The following XYLT1 variants were observed in gnomAD, a reference collection of about 807,000 sequenced individuals.
XYLT1 encodes the protein beta-D-xylosyltransferase 1.
A neutral mutation model predicts 91.3 loss-of-function variants in XYLT1; 36 were observed. The ratio of observed to expected loss-of-function variants is 0.39; its 90% CI spans 0.30 to 0.52. XYLT1 has a LOEUF of 0.52. XYLT1 is among the 20% of genes least tolerant of loss of function. The probability of loss-of-function intolerance (pLI) is 0.68; values close to 1 mark genes in which losing one functional copy is unlikely to be tolerated. For synonymous variants in XYLT1, 588 were observed against 532.0 expected (o/e 1.11, Z -1.45); for missense variants, 1,242 against 1,284.5 (o/e 0.97, Z 0.51).
At chr16:17,247,422 T>G (rs896050114) in intron 3 of XYLT1, among the ~76,000 whole-genome samples, 5 of 152,190 alleles carry the variant, frequency 3.3e-5, no homozygotes, top group African/African-American at 1.2e-4. Context: ...GAGTCTCCCA[T>G]GCCCACCTGC....
chr16:17,221,171 TATTC>T (rs1205810810), intron 3 of XYLT1, among the ~76,000 whole-genome samples: 1 of 152,122 alleles, frequency 6.6e-6, no homozygotes, highest in Non-Finnish European at 1.5e-5. Context: ...TCCTTTTCAA[TATTC>T]ACAGAACCAT....
At chr16:17,246,186 A>G (rs1259996074) in intron 3 of XYLT1, among the ~76,000 whole-genome samples, 2 of 152,222 alleles carry the variant, frequency 1.3e-5, no homozygotes, top group African/African-American at 4.8e-5. Flanking sequence ...CTGTGTCTCA[A>G]CTTCTTTGAA....
chr16:17,327,029 C>T (rs568290517), intron 2 of XYLT1, among the ~76,000 whole-genome samples: 1 of 152,242 alleles, frequency 6.6e-6, no homozygotes, highest in African/African-American at 2.4e-5. Context: ...ACACCACCAA[C>T]CAAAATAAAA....
intron 3 of XYLT1, among the ~76,000 whole-genome samples, chr16:17,256,991 T>C (rs1474371802): frequency 6.6e-6 from 1 of 152,218 alleles, no homozygotes; most frequent in Non-Finnish European, 1.5e-5. Context: ...GACTCTGACA[T>C]GCCCCCAACC....
intron 1 of XYLT1, among the ~76,000 whole-genome samples, chr16:17,451,302 C>A (rs1308413851): frequency 6.6e-6 from 1 of 152,172 alleles, no homozygotes; most frequent in Non-Finnish European, 1.5e-5. Context: ...ACTTTCATGT[C>A]CTTGTCATAA....
At chr16:17,363,878 C>T (rs148016882) in intron 1 of XYLT1, among the ~76,000 whole-genome samples, 42 of 152,206 alleles carry the variant, frequency 2.8e-4, no homozygotes, top group African/African-American at 8.9e-4. Context: ...GGGCTTTTGC[C>T]GTGTTGGCCA....
chr16:17,246,444 T>C (rs1348979573), intron 3 of XYLT1, among the ~76,000 whole-genome samples: 2 of 152,192 alleles, frequency 1.3e-5, no homozygotes, highest in Non-Finnish European at 2.9e-5. Context: ...AGATCAGTCA[T>C]TTAACACATC....
At chr16:17,229,133 C>G (rs1597207542) in intron 3 of XYLT1, among the ~76,000 whole-genome samples, 1 of 152,248 alleles carries the variant, frequency 6.6e-6, no homozygotes, top group East Asian at 1.9e-4. Context: ...CCAAGCCCGG[C>G]TAATTTTTGT....
chr16:17,120,286 A>AC, intron 10 of XYLT1, among the ~76,000 whole-genome samples: 1 of 150,800 alleles, frequency 6.6e-6, no homozygotes, highest in Non-Finnish European at 1.5e-5. Flanking sequence ...CCTGCTTACA[A>AC]CCCCTTTCAG....
intron 1 of XYLT1, among the ~76,000 whole-genome samples, chr16:17,383,640 A>C (rs1163332922): frequency 2.0e-5 from 3 of 151,996 alleles, no homozygotes; most frequent in Admixed American, 6.6e-5. Context: ...CTTATGTCAA[A>C]GAAAGAGACT....
At chr16:17,459,581 C>T (rs543846757) in intron 1 of XYLT1, among the ~76,000 whole-genome samples, 2 of 152,288 alleles carry the variant, frequency 1.3e-5, no homozygotes, top group Admixed American at 6.5e-5. Flanking sequence ...ATCCTTACCC[C>T]TGAATAAGTA....
intron 1 of XYLT1, among the ~76,000 whole-genome samples, chr16:17,362,116 C>A (rs1381632640): frequency 6.6e-6 from 1 of 152,176 alleles, no homozygotes; most frequent in Non-Finnish European, 1.5e-5. Flanking sequence ...CACTCTTTCA[C>A]AAGAGCTCTG....
chr16:17,219,627 G>A (rs895247776), intron 3 of XYLT1, among the ~76,000 whole-genome samples: 26 of 152,282 alleles, frequency 1.7e-4, no homozygotes, highest in African/African-American at 6.3e-4. Context: ...GGGGGCTCCT[G>A]AGAATACTTT....
chr16:17,163,875 C>G (rs2031609456), intron 5 of XYLT1, among the ~76,000 whole-genome samples: 1 of 151,536 alleles, frequency 6.6e-6, no homozygotes, highest in African/African-American at 2.4e-5. Flanking sequence ...ATGGTGAAAC[C>G]CCGTCTCTAC....
chr16:17,275,480 G>A (rs2033960476), intron 2 of XYLT1, among the ~76,000 whole-genome samples: 1 of 152,116 alleles, frequency 6.6e-6, no homozygotes, highest in African/African-American at 2.4e-5. Flanking sequence ...GTGGGGAAGG[G>A]AGGAGTCCAG....
At chr16:17,221,339 G>A (rs142206948) in intron 3 of XYLT1, among the ~76,000 whole-genome samples, 7 of 152,218 alleles carry the variant, frequency 4.6e-5, no homozygotes, top group African/African-American at 7.2e-5. Flanking sequence ...ACTATATGCC[G>A]GGCATGGTAT....
chr16:17,143,875 C>G lies in XYLT1; in HGVS notation c.1371-2506G>C, dbSNP rs574096116. 2.0e-5 allele frequency among the ~76,000 whole-genome samples: 3 copies of G among 149,582 alleles called. No individual in the cohort carries two copies. The South Asian group carries it at 6.3e-4, about 31-fold the overall frequency. ...TCATCATCACAATTTCCATTATCAC[C>G]ACTGTCATCACCACCATCGTCATCA... On this transcript the variant is annotated intron_variant, in intron 6 of 11. Transcript: ENST00000261381.
chr16:17,258,676 C>T (rs949225512), intron 3 of XYLT1, among the ~76,000 whole-genome samples: 2 of 152,144 alleles, frequency 1.3e-5, no homozygotes, highest in African/African-American at 4.8e-5. Flanking sequence ...GAAACGAAAC[C>T]ATATCAATAC....
intron 11 of XYLT1, among the ~76,000 whole-genome samples, chr16:17,115,312 T>TAAAAAAA (rs869095502): frequency 2.0e-5 from 1 of 48,836 alleles, no homozygotes; most frequent in Non-Finnish European, 3.7e-5. Context: ...CAAAAATAGT[T>TAAAAAAA]AAAAAAAAAA....
Sources: allele counts gnomAD v4.1 joint callset (sites outside exome capture counted in the v4.1 genomes callset), GRCh38; gene constraint gnomAD v4.1.1; transcripts MANE v1.5; gene names NCBI Gene and HGNC (gene_info 2026-07-23, HGNC 2026-07-21).